XKR9: variants seen among roughly 807,000 people sequenced by gnomAD.
XKR9 encodes the protein XK related 9.
In XKR9, 32 loss-of-function variants were observed where a neutral mutation model predicts 32.0. The observed-to-expected ratio is 1.00, with a 90% CI of 0.76 to 1.34. XKR9 has a LOEUF of 1.34. Ranked by LOEUF, XKR9 falls within the 40% of genes most tolerant of loss-of-function variation. The pLI is 0.00. For missense variants in XKR9, 546 were observed against 429.7 expected, an observed-to-expected ratio of 1.27 and a Z score of -2.39; for synonymous variants, 168 against 143.4, an observed-to-expected ratio of 1.17 and a Z score of -1.22.
chr8:70,844,574 A>G, the XKR9 span, among the ~76,000 whole-genome samples: 2 of 152,318 alleles, frequency 1.3e-5, no homozygotes, highest in East Asian at 3.9e-4. Context: ...TACAGCCTCA[A>G]GTGCACCAGT....
chr8:71,009,373 T>C, the XKR9 span, among the ~76,000 whole-genome samples: 4 of 148,352 alleles, frequency 2.7e-5, no homozygotes, highest in Admixed American at 1.4e-4. Context: ...TTAGTATTAG[T>C]GTATTTTATG....
downstream of XKR9, among the ~76,000 whole-genome samples, chr8:70,739,816 A>G (rs942978530): frequency 6.6e-6 from 1 of 152,152 alleles, no homozygotes; most frequent in Non-Finnish European, 1.5e-5. Flanking sequence ...TCTGGCTTGT[A>G]GAGTTTCTGC....
chr8:70,766,844 A>G lies in XKR9; in HGVS notation n.353-22495A>G, dbSNP rs184465587. On this transcript the variant is annotated intron_variant and non_coding_transcript_variant, in intron 2 of 3. Transcript: ENST00000520273. ...TTTATTGAAGGCCTTTTCTACATCA[A>G]TTGAGATAATCATGTGGTTTTTGTC... Among the ~76,000 whole-genome samples, 275 of 152,274 alleles carry G rather than the reference A, an allele frequency of 1.8e-3. 3 individuals carry two copies. Among genetic ancestry groups the G allele is most frequent in the Admixed American group, 0.014 (221 of 15,290 alleles).
At chr8:70,846,056 G>A in the XKR9 span, among the ~76,000 whole-genome samples, 2 of 152,196 alleles carry the variant, frequency 1.3e-5, no homozygotes, top group Middle Eastern at 3.4e-3. Context: ...CAAGGGAAAA[G>A]CATCTAGTCA....
At chr8:70,981,442 C>A in the XKR9 span, among the ~76,000 whole-genome samples, 1 of 152,148 alleles carries the variant, frequency 6.6e-6, no homozygotes, top group African/African-American at 2.4e-5. Context: ...CTGAGACTTT[C>A]CAGGGCATTT....
At chr8:70,968,806 C>A in the XKR9 span, among the ~76,000 whole-genome samples, 8 of 152,184 alleles carry the variant, frequency 5.3e-5, no homozygotes, top group Non-Finnish European at 1.0e-4. Context: ...AGATAGCAAC[C>A]TGCTCATTCC....
chr8:71,044,177 A>G, the XKR9 span, among the ~76,000 whole-genome samples: 1 of 152,264 alleles, frequency 6.6e-6, no homozygotes, highest in African/African-American at 2.4e-5. Context: ...CATGCTATAT[A>G]CATAGATTTT....
At chr8:70,762,232 C>G (rs969518583) in intron 2 of XKR9, among the ~76,000 whole-genome samples, 24 of 151,920 alleles carry the variant, frequency 1.6e-4, no homozygotes, top group African/African-American at 5.8e-4. Flanking sequence ...TAGATTTGAA[C>G]ATTTTTAATC....
At chr8:70,921,584 C>T in the XKR9 span, among the ~76,000 whole-genome samples, 3 of 152,090 alleles carry the variant, frequency 2.0e-5, no homozygotes, top group Non-Finnish European at 4.4e-5. Flanking sequence ...TTAAGTTTCT[C>T]CCACAGGTAC....
chr8:70,851,456 A>G, the XKR9 span, among the ~76,000 whole-genome samples: 16 of 152,200 alleles, frequency 1.1e-4, no homozygotes, highest in Non-Finnish European at 7.3e-5. Context: ...TGGAACCAAA[A>G]AAGACCCCGT....
At chr8:70,914,510 G>A in the XKR9 span, among the ~76,000 whole-genome samples, 2 of 151,986 alleles carry the variant, frequency 1.3e-5, no homozygotes, top group African/African-American at 4.8e-5. Flanking sequence ...TTGGCCATTT[G>A]GATATCCTAA....
At chr8:70,712,194 G>A (rs944994830) in intron 4 of XKR9, among the ~76,000 whole-genome samples, 2 of 152,086 alleles carry the variant, frequency 1.3e-5, no homozygotes, top group Non-Finnish European at 2.9e-5. Context: ...AAGATGGAAA[G>A]CAGATGGAAA....
chr8:70,787,011 C>T (rs762135259), intron 2 of XKR9, among the ~76,000 whole-genome samples: 32 of 152,124 alleles, frequency 2.1e-4, no homozygotes, highest in Non-Finnish European at 3.2e-4. Flanking sequence ...ACTCTTGGAA[C>T]GAGATATTAA....
the XKR9 span, among the ~76,000 whole-genome samples, chr8:70,975,513 G>T: frequency 3.3e-5 from 5 of 152,206 alleles, no homozygotes; most frequent in Middle Eastern, 3.4e-3. Flanking sequence ...TTTCCCCATT[G>T]CTTGTTTTTG....
At chr8:70,719,690 C>A (rs895607590) in intron 4 of XKR9, among the ~76,000 whole-genome samples, 4 of 152,112 alleles carry the variant, frequency 2.6e-5, no homozygotes, top group Non-Finnish European at 4.4e-5. Flanking sequence ...GTTTTGGTTA[C>A]TGTAGCCTTG....
the XKR9 span, among the ~76,000 whole-genome samples, chr8:70,979,633 G>A: frequency 3.9e-5 from 6 of 152,166 alleles, no homozygotes; most frequent in African/African-American, 7.2e-5. Flanking sequence ...TGGCAGCTTC[G>A]TCTCAGAGGG....
intron 4 of XKR9, among the ~76,000 whole-genome samples, chr8:70,723,297 T>C (rs1189015506): frequency 2.6e-5 from 4 of 152,204 alleles, no homozygotes; most frequent in Admixed American, 6.5e-5. Context: ...AGCCTACTTC[T>C]GTCAATTCGT....
At chr8:70,923,401 A>AT in the XKR9 span, among the ~76,000 whole-genome samples, 4 of 152,340 alleles carry the variant, frequency 2.6e-5, no homozygotes, top group East Asian at 7.7e-4. Context: ...ATCAATAAGT[A>AT]AATCAATGAG....
intron 3 of XKR9, among the ~76,000 whole-genome samples, chr8:70,694,247 C>A (rs983812934): frequency 1.3e-5 from 2 of 152,292 alleles, no homozygotes; most frequent in Non-Finnish European, 2.9e-5. Flanking sequence ...AGGATTGGCA[C>A]CCACTTAAAA....
Sources: gnomAD v4.1 joint callset for allele counts (sites outside exome capture counted in the v4.1 genomes callset) on GRCh38, gnomAD v4.1.1 for gene constraint, MANE v1.5 for transcripts, NCBI Gene and HGNC (gene_info 2026-07-23, HGNC 2026-07-21) for gene names.